The following TNS4 variants were observed in gnomAD, a reference collection of about 807,000 sequenced individuals.
The protein encoded by TNS4 is tensin 4.
TNS4 carries 46 observed loss-of-function variants against 70.4 expected under a neutral mutation model. The observed-to-expected ratio is 0.65, with a 90% CI of 0.52 to 0.84. The LOEUF (loss-of-function observed/expected upper bound fraction) is 0.84. TNS4 is among the 40% of genes least tolerant of loss of function. The pLI is 0.00. For missense variants in TNS4, 863 were observed against 907.0 expected, an observed-to-expected ratio of 0.95 and a Z score of 0.62; for synonymous variants, 390 against 366.6, an observed-to-expected ratio of 1.06 and a Z score of -0.73.
In TNS4 at chr17:40,488,922, C is replaced by T; in HGVS notation, c.487G>A (p.Gly163Ser). The T allele has an allele frequency of 6.3e-7, 1 of 1,598,356 alleles. No homozygotes were observed. The highest frequency in any genetic ancestry group is 8.5e-7 in the Non-Finnish European group (1 of 1,174,600). ...VTSARSRCHD[G>S]PQHCSSPSVT... ...GAGGGGCTGGAGCAGTGCTGGGGGC[C>T]ATCGTGGCACCTTGATCTGGCGGAG... Residue 163 changes from glycine to serine, a missense_variant, in exon 3 of 13, where the codon GGC (glycine) becomes AGC (serine). Gly to Ser is a moderately conservative substitution (Grantham distance 56, BLOSUM62 0). Coordinates refer to ENST00000254051, the MANE Select transcript of TNS4 (RefSeq NM_032865.6).
At chr17:40,481,150 C>T (rs1047139413) in intron 8 of TNS4, among the ~76,000 whole-genome samples, 1 of 152,060 alleles carries the variant, frequency 6.6e-6, no homozygotes, top group African/African-American at 2.4e-5. Flanking sequence ...CCTTGATGCC[C>T]TTCCAGAAAC....
chr17:40,495,004 A>C (rs1388117592), intron 2 of TNS4, among the ~76,000 whole-genome samples: 4 of 151,840 alleles, frequency 2.6e-5, no homozygotes, highest in African/African-American at 4.8e-5. Flanking sequence ...CAGATGTAGG[A>C]ATTTCCAGGT....
intron 2 of TNS4, 138 bp downstream of exon 2, chr17:40,495,849 A>C: frequency 1.2e-6 from 1 of 806,240 alleles, no homozygotes; most frequent in Non-Finnish European, 1.9e-6. Flanking sequence ...CAGAAAACAG[A>C]GGGGTTAGTA....
chr17:40,488,034 G>A (rs192480764), intron 3 of TNS4, among the ~76,000 whole-genome samples: 64 of 152,324 alleles, frequency 4.2e-4, no homozygotes, highest in African/African-American at 1.4e-3. Context: ...CCTGTGGTTC[G>A]GTCTTCCTGG....
chr17:40,481,442 G>A (rs1336142277), intron 8 of TNS4, among the ~76,000 whole-genome samples: 1 of 152,100 alleles, frequency 6.6e-6, no homozygotes, highest in Non-Finnish European at 1.5e-5. Flanking sequence ...TTAGCTCACT[G>A]CAACCTCTGC....
chr17:40,484,432 A>G, intron 6 of TNS4, 52 bp downstream of exon 6: 1 of 1,594,988 alleles, frequency 6.3e-7, no homozygotes, highest in Non-Finnish European at 8.5e-7. Flanking sequence ...GGAACCTACC[A>G]CACCCCGCTG....
rs2035897760 is a variant in TNS4, at chr17:40,479,806, T to C, written c.1778A>G (p.Glu593Gly). 6.2e-7 allele frequency: 1 copy of C among 1,613,742 alleles called. No homozygotes were observed. Among genetic ancestry groups the C allele is most frequent in the Non-Finnish European group, 8.5e-7 (1 of 1,179,938 alleles). ...HTLYLSSVSVETLTGALAVQK... is the reference protein window; with the variant it reads ...HTLYLSSVSVGTLTGALAVQK... Reference sequence around the variant, plus strand: ...CACGGCCAGGGCTCCAGTCAGGGTCTCCACGCTCACTGAGCTCAGGTACAG... The same window carrying C: ...CACGGCCAGGGCTCCAGTCAGGGTCCCCACGCTCACTGAGCTCAGGTACAG... Residue 593 changes from glutamate (E) to glycine (G), a missense_variant, in exon 10 of 13, where the codon GAG becomes GGG. By Grantham distance (98) the Glu-to-Gly change is moderately conservative. Transcript: ENST00000254051.
chr17:40,482,269 C>A (rs1194342487), intron 7 of TNS4, 55 bp downstream of exon 7: 2 of 1,613,844 alleles, frequency 1.2e-6, no homozygotes, highest in East Asian at 2.2e-5. Context: ...CAGCTCACAA[C>A]GGAGACTTCG....
chr17:40,495,703 C>A (rs1420969421), intron 2 of TNS4, among the ~76,000 whole-genome samples: 1 of 152,156 alleles, frequency 6.6e-6, no homozygotes, highest in Admixed American at 6.5e-5. Context: ...CACGGCACTG[C>A]ACAAAACACT....
At chr17:40,481,388 G>A (rs1051504749) in intron 8 of TNS4, among the ~76,000 whole-genome samples, 2 of 151,096 alleles carry the variant, frequency 1.3e-5, no homozygotes, top group South Asian at 2.1e-4. Flanking sequence ...ATGAAGTCTT[G>A]CTCTGTCGCT....
intron 1 of TNS4, among the ~76,000 whole-genome samples, chr17:40,499,448 G>A (rs971153759): frequency 2.0e-5 from 3 of 152,264 alleles, no homozygotes; most frequent in Middle Eastern, 3.4e-3. Flanking sequence ...TCTGCGGCTC[G>A]TCCTGCTACA....
intron 10 of TNS4, among the ~76,000 whole-genome samples, chr17:40,479,301 C>T (rs1416012067): frequency 1.3e-5 from 2 of 152,204 alleles, no homozygotes; most frequent in Admixed American, 6.5e-5. Flanking sequence ...GTGCGTGCCA[C>T]CATGCCCGGC....
In TNS4 at chr17:40,479,805, C is replaced by A; in HGVS notation, c.1779G>T (p.Glu593Asp). 1 of 1,613,760 alleles carries A rather than the reference C, an allele frequency of 6.2e-7. No individual in the cohort carries two copies. Among genetic ancestry groups the A allele is most frequent in the Non-Finnish European group, 8.5e-7 (1 of 1,179,944 alleles). Residue 593 changes from glutamate (E) to aspartate (D), a missense_variant, in exon 10 of 13, where the codon GAG becomes GAT. Coordinates refer to ENST00000254051, the MANE Select transcript of TNS4 (RefSeq NM_032865.6). ...HTLYLSSVSV[E>D]TLTGALAVQK... The stretch of plus-strand genomic sequence containing the variant: ...GCACGGCCAGGGCTCCAGTCAGGGT[C>A]TCCACGCTCACTGAGCTCAGGTACA...
chr17:40,500,401 A>G (rs939935493), intron 1 of TNS4, among the ~76,000 whole-genome samples: 4 of 151,708 alleles, frequency 2.6e-5, no homozygotes, highest in African/African-American at 9.7e-5. Flanking sequence ...GGCCCCGCAC[A>G]CTCCTCTAAC....
intron 3 of TNS4, 58 bp from the exon 4 acceptor site, chr17:40,487,518 G>T (rs2036007109): frequency 2.0e-6 from 3 of 1,538,010 alleles, no homozygotes; most frequent in Admixed American, 1.9e-5. Context: ...AGGGGCTAGA[G>T]TCAGGCTCCG....
chr17:40,480,681 C>T lies in TNS4; in HGVS notation c.1741+19G>A, dbSNP rs774093897. 6.6e-7 allele frequency: 1 copy of T among 1,505,318 alleles called. No individual in the cohort carries two copies. Among genetic ancestry groups the T allele is most frequent in the East Asian group, 2.6e-5 (1 of 38,160 alleles). The allele number at this position is 1,505,318 out of a possible 1,614,324, so 93.2% of individuals were successfully genotyped here. A position where few individuals can be genotyped will look rare whatever the true frequency, so the allele number is the denominator to read the frequency against. On this transcript the variant is annotated intron_variant, in intron 9 of 12. Transcript: ENST00000254051. ...TGGGGCACAGCCAAGCTTGGCGCCT[C>T]CCTTCCTGTACCACTCACCCGCAGA...
In TNS4 at chr17:40,496,136, TA is replaced by T; in HGVS notation, c.289del (p.Tyr97ThrfsTer12). 6.2e-7 allele frequency: 1 copy of T among 1,610,394 alleles called. No homozygotes were observed. The highest frequency in any genetic ancestry group is 1.3e-5 in the African/African-American group (1 of 74,838). On this transcript the variant is annotated frameshift_variant, in exon 2 of 13. Transcript: ENST00000254051. LOFTEE classifies it high-confidence loss of function. ...ALGTPEDLDS[Y>X]IDFSLESLNQ... ...GAGGCTCTCCAGTGAGAAGTCAATG[TA>T]GGAGTCAAGGTCCTCTGGGGTCCCC...
At chr17:40,494,163 G>A (rs567762988) in intron 2 of TNS4, among the ~76,000 whole-genome samples, 5 of 152,362 alleles carry the variant, frequency 3.3e-5, no homozygotes, top group South Asian at 4.1e-4. Flanking sequence ...CTAGCCCAAC[G>A]TGCAACCCCA....
chr17:40,497,433 A>G (rs139155829), intron 1 of TNS4, among the ~76,000 whole-genome samples: 202 of 152,136 alleles, frequency 1.3e-3, no homozygotes, highest in Non-Finnish European at 2.5e-3. Flanking sequence ...GTGAAACCCC[A>G]TCTCTACTAA....
Sources: gnomAD v4.1 joint callset for allele counts (sites outside exome capture counted in the v4.1 genomes callset) on GRCh38, gnomAD v4.1.1 for gene constraint, MANE v1.5 for transcripts, NCBI Gene and HGNC (gene_info 2026-07-23, HGNC 2026-07-21) for gene names.